Variants in OTULIN observed in about 807,000 individuals in gnomAD.
The protein encoded by OTULIN is OTU deubiquitinase with linear linkage specificity.
Under a neutral mutation model 39.6 loss-of-function variants are expected in OTULIN, and 15 were observed. That is an observed-to-expected ratio of 0.38 (90% confidence interval 0.25 to 0.58). The LOEUF (loss-of-function observed/expected upper bound fraction) is 0.58. OTULIN is among the 20% of genes least tolerant of loss of function. The pLI is 0.66. For missense variants in OTULIN, 319 were observed against 445.9 expected (o/e 0.72, Z 2.56); for synonymous variants, 156 against 170.3 (o/e 0.92, Z 0.65).
chr5:14,687,145 C>T (rs957370420), intron 4 of OTULIN, among the ~76,000 whole-genome samples: 9 of 152,254 alleles, frequency 5.9e-5, no homozygotes, highest in Middle Eastern at 3.4e-3. Context: ...AGCACTGTCC[C>T]GAGCCATGTG....
At chr5:14,687,705 A>G in intron 5 of OTULIN, 59 bp downstream of exon 5, 3 of 1,512,070 alleles carry the variant, frequency 2.0e-6, no homozygotes, top group East Asian at 2.4e-5. Flanking sequence ...TGCTTGCCCC[A>G]GAAGACCAGT....
At chr5:14,711,373 G>A in the OTULIN span, 81 of 1,412,212 alleles carry the variant, frequency 5.7e-5, no homozygotes, top group Admixed American at 4.7e-4. Context: ...GCAGAACCAC[G>A]AGCAGGGAGA....
intron 2 of OTULIN, among the ~76,000 whole-genome samples, chr5:14,676,892 A>T (rs1268829538): frequency 6.6e-6 from 1 of 152,012 alleles, no homozygotes; most frequent in Admixed American, 6.6e-5. Flanking sequence ...TTCTCGAATT[A>T]AAAAAAATGA....
chr5:14,681,816 T>C (rs1390074492), intron 4 of OTULIN, among the ~76,000 whole-genome samples: 2 of 152,206 alleles, frequency 1.3e-5, no homozygotes, highest in African/African-American at 4.8e-5. Context: ...TGATAAAATT[T>C]ATATGAACAA....
chr5:14,667,624 C>T (rs1311637116), intron 1 of OTULIN, among the ~76,000 whole-genome samples: 2 of 152,190 alleles, frequency 1.3e-5, no homozygotes, highest in East Asian at 1.9e-4. Context: ...ATCCTCTTGC[C>T]GCAGCTTCCT....
chr5:14,706,906 T>C, the OTULIN span: 4 of 152,256 alleles, frequency 2.6e-5, no homozygotes, highest in Non-Finnish European at 5.9e-5. Context: ...GTCTACAGAA[T>C]GCAGGCAGGA....
intron 5 of OTULIN, among the ~76,000 whole-genome samples, chr5:14,688,210 T>C (rs947601844): frequency 3.9e-5 from 6 of 152,184 alleles, no homozygotes; most frequent in Admixed American, 3.9e-4. Flanking sequence ...TTCCACTGTC[T>C]CCTCTGGGTT....
chr5:14,715,942 C>T, the OTULIN span, among the ~76,000 whole-genome samples: 1 of 152,348 alleles, frequency 6.6e-6, no homozygotes, highest in East Asian at 1.9e-4. Flanking sequence ...CTTCCTTTCT[C>T]CAGCAGTCCT....
At chr5:14,692,762 C>T in intron 6 of OTULIN, 92 bp from the exon 7 acceptor site, 2 of 1,098,456 alleles carry the variant, frequency 1.8e-6, no homozygotes, top group Admixed American at 1.8e-5. Flanking sequence ...TTCACCATTG[C>T]TGTGCACTGT....
intron 1 of OTULIN, among the ~76,000 whole-genome samples, chr5:14,668,429 G>A (rs1735903508): frequency 6.6e-6 from 1 of 152,212 alleles, no homozygotes; most frequent in Non-Finnish European, 1.5e-5. Flanking sequence ...CCTGGGTGCC[G>A]GTACTTTCCT....
intron 4 of OTULIN, among the ~76,000 whole-genome samples, chr5:14,684,857 C>T (rs903115869): frequency 1.3e-5 from 2 of 152,228 alleles, no homozygotes. Flanking sequence ...GCTTTGCTGG[C>T]CTTGCTCTGT....
the OTULIN span, chr5:14,713,423 T>C: frequency 4.3e-6 from 6 of 1,407,736 alleles, no homozygotes; most frequent in Admixed American, 1.2e-4. The surrounding 1 kb of genome is among the most constrained non-coding windows in gnomAD (Gnocchi z 4.4). Flanking sequence ...CAAAACATCA[T>C]TCTGAATTTC....
At chr5:14,711,334 TG>T in the OTULIN span, 1 of 1,599,714 alleles carries the variant, frequency 6.3e-7, no homozygotes, top group African/African-American at 1.3e-5. Context: ...GACTCATCAG[TG>T]TGGGGCTGTG....
chr5:14,679,443 C>T (rs1056847411), intron 3 of OTULIN, among the ~76,000 whole-genome samples: 5 of 152,182 alleles, frequency 3.3e-5, no homozygotes, highest in African/African-American at 1.2e-4. Flanking sequence ...ATGTGAATTG[C>T]TCAAAAACAG....
chr5:14,712,999 TTGTC>T, the OTULIN span: 6 of 1,602,410 alleles, frequency 3.7e-6, no homozygotes, highest in African/African-American at 2.7e-5. Context: ...CAAAGGCAAT[TTGTC>T]TGTTAAGGCC....
At position 14,690,499 on chromosome 5, in the gene OTULIN, T is replaced by G. The variant is rs2126334842; in HGVS notation, c.864+191T>G. On this transcript the variant is annotated intron_variant, in intron 6 of 6. Transcript: ENST00000284274. The surrounding 1 kb of genome is among the most constrained non-coding windows in gnomAD (Gnocchi z 4.5). ...TGAAGGCTTGACTGGGGCTGGAAGA[T>G]CTACTTCCAGTGTTGTTCACTCATG... Among the ~76,000 whole-genome samples the G allele has an allele frequency of 6.6e-6, 1 of 152,252 alleles. No individual in the cohort carries two copies. The highest frequency in any genetic ancestry group is 2.1e-4 in the South Asian group (1 of 4,822).
rs1421828968 is a variant in OTULIN, at chr5:14,690,903, CT to C, written c.864+596del. Among the ~76,000 whole-genome samples, 1 of 152,172 alleles carries C rather than the reference CT, an allele frequency of 6.6e-6. No homozygotes were observed. The highest frequency in any genetic ancestry group is 1.5e-5 in the Non-Finnish European group (1 of 68,036). On this transcript the variant is annotated intron_variant, in intron 6 of 6. Coordinates refer to ENST00000284274, the MANE Select transcript of OTULIN (RefSeq NM_138348.6). This position sits in a 1 kb window ranked among gnomAD's most constrained non-coding sequence, Gnocchi z 4.5. ...GTGGATGGGATTAGTACTCTTGGCT[CT>C]GGGAGGCTACAAATAAGTGAAGTAC...
At chr5:14,707,652 C>A in the OTULIN span, 1 of 152,212 alleles carries the variant, frequency 6.6e-6, no homozygotes, top group Admixed American at 6.5e-5. Flanking sequence ...GGCCCCCCAC[C>A]CCCTGCACCT....
chr5:14,711,333 G>T, the OTULIN span: 2 of 1,600,198 alleles, frequency 1.2e-6, no homozygotes, highest in Non-Finnish European at 1.7e-6. Context: ...AGACTCATCA[G>T]TGTGGGGCTG....
Sources: gnomAD v4.1 joint callset for allele counts (sites outside exome capture counted in the v4.1 genomes callset) on GRCh38, gnomAD v4.1.1 for gene constraint, Gnocchi (gnomAD v3.1) non-coding constraint, MANE v1.5 for transcripts, NCBI Gene and HGNC (gene_info 2026-07-23, HGNC 2026-07-21) for gene names.